The following PIBF1 variants were observed in gnomAD, a reference collection of about 807,000 sequenced individuals.
PIBF1 encodes the protein progesterone-induced-blocking factor 1.
Under a neutral mutation model 112.5 loss-of-function variants are expected in PIBF1, and 90 were observed. The ratio of observed to expected loss-of-function variants is 0.80; its 90% CI spans 0.67 to 0.95. The LOEUF (loss-of-function observed/expected upper bound fraction) is 0.95. Ranked by LOEUF, PIBF1 falls within the 40% of genes least tolerant of loss-of-function variation. The pLI is 0.00. For synonymous variants in PIBF1, 301 were observed against 288.6 expected, an observed-to-expected ratio of 1.04 and a Z score of -0.44; for missense variants, 915 against 852.3, an observed-to-expected ratio of 1.07 and a Z score of -0.92.
intron 14 of PIBF1, among the ~76,000 whole-genome samples, chr13:72,946,033 A>T (rs1244015929): frequency 1.3e-5 from 2 of 152,080 alleles, no homozygotes; most frequent in Admixed American, 1.3e-4. Flanking sequence ...AAGCTCTCCA[A>T]CTGAGTGAGC....
rs138300882 is a variant in PIBF1 at position 72,910,017 on chromosome 13, T to C, written c.1639+1336T>C. ...AAGTCAGATAACCATGGCATTCTTA[T>C]AAAAATGGGTTTAAACTTCAGTTGA... On this transcript the variant is annotated intron_variant, in intron 12 of 17. Coordinates refer to ENST00000326291, the MANE Select transcript of PIBF1 (RefSeq NM_006346.4). 2.3e-3 allele frequency among the ~76,000 whole-genome samples: 352 copies of C among 152,302 alleles called. 3 individuals carry two copies. Among genetic ancestry groups the C allele is most frequent in the African/African-American group, 7.7e-3 (321 of 41,574 alleles).
At chr13:72,913,612 C>CA (rs937671070) in intron 12 of PIBF1, among the ~76,000 whole-genome samples, 2 of 151,794 alleles carry the variant, frequency 1.3e-5, no homozygotes, top group East Asian at 1.9e-4. Context: ...ACCATCTCTA[C>CA]AAAAAAATAA....
intron 5 of PIBF1, among the ~76,000 whole-genome samples, chr13:72,819,853 T>G (rs183778188): frequency 2.8e-4 from 42 of 152,272 alleles, no homozygotes; most frequent in Non-Finnish European, 5.9e-5. Context: ...ATTGACTGCT[T>G]CAAAGCACTG....
chr13:72,864,688 G>C (rs1045067642), intron 10 of PIBF1, among the ~76,000 whole-genome samples: 1 of 152,112 alleles, frequency 6.6e-6, no homozygotes, highest in Non-Finnish European at 1.5e-5. Flanking sequence ...TGGGATGCCA[G>C]CTAACTAAAT....
At position 72,831,179 on chromosome 13, in the gene PIBF1, GTCTA is replaced by G. The variant is rs572935407; in HGVS notation, c.1097+3271_1097+3274del. ...CTCTTCTTTATTAGTCTGGCTAGCA[GTCTA>G]TCTATTTTGTTGATCTTTACAAAAA... On this transcript the variant is annotated intron_variant, in intron 8 of 17. Transcript: ENST00000326291. Among the ~76,000 whole-genome samples the G allele has an allele frequency of 3.4e-3, 523 of 151,810 alleles. 5 individuals are homozygous for G. The highest frequency in any genetic ancestry group is 0.012 in the African/African-American group (495 of 41,378).
chr13:72,916,249 G>A (rs902967399), intron 12 of PIBF1, among the ~76,000 whole-genome samples: 4 of 151,644 alleles, frequency 2.6e-5, no homozygotes, highest in Non-Finnish European at 5.9e-5. Flanking sequence ...AAAATTAGCC[G>A]GGCTTGGTGG....
At chr13:72,853,011 T>C (rs2038237674) in intron 9 of PIBF1, among the ~76,000 whole-genome samples, 1 of 152,146 alleles carries the variant, frequency 6.6e-6, no homozygotes, top group Non-Finnish European at 1.5e-5. Flanking sequence ...CAAAATCATT[T>C]ATATTACATT....
chr13:72,954,684 T>A (rs1250721539), intron 14 of PIBF1, among the ~76,000 whole-genome samples: 2 of 152,156 alleles, frequency 1.3e-5, no homozygotes, highest in African/African-American at 4.8e-5. Context: ...GGTGGCTGAG[T>A]CTCCCCATCT....
At chr13:73,011,814 A>G (rs2044212027) in intron 17 of PIBF1, among the ~76,000 whole-genome samples, 1 of 152,172 alleles carries the variant, frequency 6.6e-6, no homozygotes, top group African/African-American at 2.4e-5. Flanking sequence ...GGTAGACTAA[A>G]AACCAAAAAA....
chr13:72,868,352 A>G (rs780035724), intron 10 of PIBF1, among the ~76,000 whole-genome samples: 65 of 152,202 alleles, frequency 4.3e-4, no homozygotes, highest in Admixed American at 1.6e-3. Flanking sequence ...GCCTTCAGGC[A>G]AGAATGCACC....
intron 13 of PIBF1, among the ~76,000 whole-genome samples, chr13:72,920,058 C>T (rs1340049652): frequency 6.6e-6 from 1 of 152,138 alleles, no homozygotes; most frequent in Non-Finnish European, 1.5e-5. Context: ...TTCAGAATCA[C>T]AAACAATTAT....
chr13:72,915,456 T>C (rs1034127038), intron 12 of PIBF1, among the ~76,000 whole-genome samples: 2 of 152,228 alleles, frequency 1.3e-5, no homozygotes, highest in African/African-American at 4.8e-5. Flanking sequence ...AGAATAGTTA[T>C]CCCATGATTT....
At chr13:72,808,927 G>A (rs2035869684) in intron 5 of PIBF1, among the ~76,000 whole-genome samples, 1 of 152,046 alleles carries the variant, frequency 6.6e-6, no homozygotes, top group African/African-American at 2.4e-5. Flanking sequence ...GAGAAACTAA[G>A]GTATTTGTTA....
chr13:72,815,173 A>T (rs146117282), intron 5 of PIBF1, among the ~76,000 whole-genome samples: 11 of 152,360 alleles, frequency 7.2e-5, no homozygotes, highest in African/African-American at 2.6e-4. Flanking sequence ...ATTACTACAG[A>T]TGTAAAAATT....
intron 16 of PIBF1, among the ~76,000 whole-genome samples, chr13:72,979,166 G>A (rs1256071593): frequency 6.6e-6 from 1 of 152,126 alleles, no homozygotes; most frequent in Non-Finnish European, 1.5e-5. Flanking sequence ...CTGCCCTCCA[G>A]CTTGGGTGAC....
intron 5 of PIBF1, among the ~76,000 whole-genome samples, chr13:72,804,942 A>G (rs939772436): frequency 2.0e-5 from 3 of 152,184 alleles, no homozygotes; most frequent in Non-Finnish European, 4.4e-5. Flanking sequence ...GACAAGGTCC[A>G]TGATATATAG....
At chr13:72,924,119 T>C (rs960121947) in intron 13 of PIBF1, among the ~76,000 whole-genome samples, 3 of 152,162 alleles carry the variant, frequency 2.0e-5, no homozygotes, top group African/African-American at 7.2e-5. Context: ...ACTTGTAAGA[T>C]CCCAGACTTC....
intron 16 of PIBF1, among the ~76,000 whole-genome samples, chr13:72,996,515 C>T (rs193299794): frequency 6.6e-6 from 1 of 152,158 alleles, no homozygotes; most frequent in Non-Finnish European, 1.5e-5. Context: ...TAGCCAGGTG[C>T]AGTGGCTCAT....
intron 17 of PIBF1, among the ~76,000 whole-genome samples, chr13:73,014,478 T>C (rs1207016174): frequency 2.6e-5 from 4 of 152,204 alleles, no homozygotes; most frequent in African/African-American, 9.6e-5. Flanking sequence ...ATTATGATAC[T>C]ATAATGGTGG....
Sources: gnomAD v4.1 joint callset for allele counts (sites outside exome capture counted in the v4.1 genomes callset) on GRCh38, gnomAD v4.1.1 for gene constraint, MANE v1.5 for transcripts, NCBI Gene and HGNC (gene_info 2026-07-23, HGNC 2026-07-21) for gene names.